DDX1: variants seen among roughly 807,000 people sequenced by gnomAD.
The protein encoded by DDX1 is ATP-dependent RNA helicase DDX1.
DDX1 carries 28 observed loss-of-function variants against 108.7 expected under a neutral mutation model. The observed-to-expected ratio is 0.26, with a 90% confidence interval of 0.19 to 0.35. DDX1 has a LOEUF of 0.35. Ranked by LOEUF, DDX1 falls within the 10% of genes least tolerant of loss-of-function variation. DDX1 has a pLI of 1.00. For synonymous variants in DDX1, 295 were observed against 288.9 expected (o/e 1.02, Z -0.21); for missense variants, 710 against 884.5 (o/e 0.80, Z 2.50).
In DDX1 at chr2:15,607,230, T is replaced by C. The variant is rs1205964856; in HGVS notation, c.873T>C (p.Ile291=). Residue 291 remains isoleucine, a synonymous_variant, in exon 13 of 26, where the codon ATT becomes ATC. Coordinates refer to ENST00000233084, the MANE Select transcript of DDX1 (RefSeq NM_004939.3). ...KFLPNAPKAL[I]VEPSRELAEQ... is the part of the protein sequence containing the mutation. ...TCCCCAATGCTCCGAAAGCTCTCAT[T>C]GTTGAACCTTCCCGGGAGTTAGCTG... is the stretch of plus-strand genomic sequence containing the variant. 1 of 1,613,956 alleles carries C rather than the reference T, an allele frequency of 6.2e-7. No individual in the cohort carries two copies. Among genetic ancestry groups the C allele is most frequent in the Admixed American group, 1.7e-5 (1 of 60,018 alleles).
At position 15,629,674 on chromosome 2, in the gene DDX1, A is replaced by T. The variant is rs1054962638; in HGVS notation, c.1948A>T (p.Thr650Ser). ...NTRLKEDGGCTIWYNEMQLLS... is the reference protein window; with the variant it reads ...NTRLKEDGGCSIWYNEMQLLS... ...AAGACTCAAGGAAGATGGAGGCTGT[A>T]CCATATGGTACAACGAGATGCAGGT... The change falls in exon 24 of 26, where the codon ACC becomes TCC. Residue 650 changes from threonine to serine, a missense_variant. By Grantham distance (58) the Thr-to-Ser change is moderately conservative. Coordinates refer to ENST00000233084, the MANE Select transcript of DDX1 (RefSeq NM_004939.3). The T allele has an allele frequency of 1.9e-6, 3 of 1,581,102 alleles. No homozygotes were observed. Among genetic ancestry groups the T allele is most frequent in the Non-Finnish European group, 2.6e-6 (3 of 1,170,838 alleles).
In DDX1 at chr2:15,596,909, T is replaced by C. The variant is rs1168683894; in HGVS notation, c.162+146T>C. 5 of 673,970 alleles carry C rather than the reference T, an allele frequency of 7.4e-6. No individual in the cohort carries two copies. The African/African-American group carries it at 9.1e-5, about 12-fold the overall frequency. 41.7% of individuals were successfully genotyped at this position (673,970 alleles called of 1,614,324 possible). On this transcript the variant is annotated intron_variant, in intron 4 of 25. Coordinates refer to ENST00000233084, the MANE Select transcript of DDX1 (RefSeq NM_004939.3). ...TACTTGCTACTGAAAATGATATTTT[T>C]GTTGCCAGCTAATTATGAAGAGCTA...
At chr2:15,611,834 G>A (rs1266669073) in intron 13 of DDX1, among the ~76,000 whole-genome samples, 2 of 104,002 alleles carry the variant, frequency 1.9e-5, no homozygotes, top group East Asian at 3.7e-4. Context: ...GCCGGGCAGA[G>A]GGGCTCCTCA....
At position 15,630,093 on chromosome 2, in the gene DDX1, A is replaced by G; in HGVS notation, c.2075A>G (p.Gln692Arg). 1 of 1,613,508 alleles carries G rather than the reference A, an allele frequency of 6.2e-7. No individual in the cohort carries two copies. The highest frequency in any genetic ancestry group is 8.5e-7 in the Non-Finnish European group (1 of 1,179,742). ...DEFDGKVTYG[Q>R]KRAAGGGSYK... is the part of the protein sequence containing the mutation. ...TTTGATGGGAAAGTTACCTACGGTC[A>G]GAAAAGGGCTGCTGGTGGTAAGCTT... The change falls in exon 25 of 26, where the codon CAG (glutamine) becomes CGG (arginine). Residue 692 changes from glutamine to arginine, a missense_variant. Gln to Arg is a conservative substitution (Grantham distance 43). Coordinates refer to ENST00000233084, the MANE Select transcript of DDX1 (RefSeq NM_004939.3).
chr2:15,596,835 C>T lies in DDX1; in HGVS notation c.162+72C>T. Reference sequence around the variant, plus strand: ...AAATAACTTTGAACAGTAGTTTTTACTTTGAAATATTTAATAAAATAGCAA... The same window carrying T: ...AAATAACTTTGAACAGTAGTTTTTATTTTGAAATATTTAATAAAATAGCAA... On this transcript the variant is annotated intron_variant, in intron 4 of 25. Coordinates refer to ENST00000233084, the MANE Select transcript of DDX1 (RefSeq NM_004939.3). 5 of 1,170,812 alleles carry T rather than the reference C, an allele frequency of 4.3e-6. No homozygotes were observed. The South Asian group carries it at 6.9e-5, about 16-fold the overall frequency. The allele number at this position is 1,170,812 out of a possible 1,614,324, so 72.5% of individuals were successfully genotyped here.
intron 13 of DDX1, among the ~76,000 whole-genome samples, chr2:15,608,662 G>GTTTT (rs1558454198): frequency 7.0e-5 from 7 of 100,064 alleles, no homozygotes; most frequent in Non-Finnish European, 1.2e-4. Context: ...TTTTTTTTTA[G>GTTTT]GTTTTTTTTT....
chr2:15,594,553 G>A (rs1397139501), intron 1 of DDX1, among the ~76,000 whole-genome samples: 2 of 152,158 alleles, frequency 1.3e-5, no homozygotes, highest in Non-Finnish European at 2.9e-5. Context: ...CAGTTCTTCA[G>A]CTGACATTTC....
Position 15,603,244 on chromosome 2 carries a change from G to A in DDX1, c.444G>A (p.Gly148=). Residue 148 remains glycine (G), a synonymous_variant, in exon 8 of 26, where the codon GGG becomes GGA. Coordinates refer to ENST00000233084, the MANE Select transcript of DDX1 (RefSeq NM_004939.3). ...SCHDQGLCRV[G]WSTMQASLDL... ...ATGACCAAGGGTTATGCAGGGTCGG[G>A]TGGTCTACCATGCAGGCCTCTTTGG... The A allele has an allele frequency of 1.2e-6, 2 of 1,613,610 alleles. No individual in the cohort carries two copies. Among genetic ancestry groups the A allele is most frequent in the African/African-American group, 1.3e-5 (1 of 74,988 alleles).
At chr2:15,615,888 A>G (rs898436198) in intron 14 of DDX1, among the ~76,000 whole-genome samples, 1 of 151,760 alleles carries the variant, frequency 6.6e-6, no homozygotes, top group African/African-American at 2.4e-5. Flanking sequence ...ATATATTTTT[A>G]TTTATTTATT....
chr2:15,628,657 C>G lies in DDX1; in HGVS notation c.1779C>G (p.Pro593=). Reference sequence around the variant, plus strand: ...TTATAGTTATAAATGTCACTCTGCCCGATGAAAAGCAAAACTACGTACATC... The same window carrying G: ...TTATAGTTATAAATGTCACTCTGCCGGATGAAAAGCAAAACTACGTACATC... ...GVPYVINVTL[P]DEKQNYVHRI... Residue 593 remains proline (P), a synonymous_variant, in exon 22 of 26, where the codon CCC becomes CCG. Coordinates refer to ENST00000233084, the MANE Select transcript of DDX1 (RefSeq NM_004939.3). 1 of 1,612,278 alleles carries G rather than the reference C, an allele frequency of 6.2e-7. No individual in the cohort carries two copies. Among genetic ancestry groups the G allele is most frequent in the South Asian group, 1.1e-5 (1 of 90,854 alleles).
chr2:15,599,602 C>T (rs1038674358), intron 5 of DDX1, 67 bp from the exon 6 acceptor site: 24 of 1,277,624 alleles, frequency 1.9e-5, no homozygotes, highest in South Asian at 1.1e-4. Flanking sequence ...CGTGAGTCAC[C>T]GCACCCGGCC....
chr2:15,610,074 G>A (rs933505882), intron 13 of DDX1, among the ~76,000 whole-genome samples: 2 of 152,074 alleles, frequency 1.3e-5, no homozygotes, highest in African/African-American at 4.8e-5. Context: ...AGCTGGGACT[G>A]CAAGCAAGTG....
At chr2:15,628,034 C>T (rs556212227) in intron 20 of DDX1, among the ~76,000 whole-genome samples, 2 of 152,118 alleles carry the variant, frequency 1.3e-5, no homozygotes, top group East Asian at 3.9e-4. Flanking sequence ...TTGTCTGTTA[C>T]AAAAAATGTA....
Position 15,630,018 on chromosome 2 carries a change from A to ACTG in DDX1, c.2001_2003dup (p.Cys668dup), listed in dbSNP as rs1460955687. On this transcript the variant is annotated inframe_insertion, in exon 25 of 26. Transcript: ENST00000233084. The stretch of plus-strand genomic sequence containing the variant: ...CTATCTGAGATAGAAGAACACCTGA[A>ACTG]CTGTACCATTTCTCAGGTTGAGCCG... 1.9e-6 allele frequency: 3 copies of ACTG among 1,612,548 alleles called. No homozygotes were observed. The African/African-American group carries it at 4.0e-5, about 22-fold the overall frequency.
chr2:15,607,028 T>C, intron 12 of DDX1, 147 bp from the exon 13 acceptor site: 1 of 796,786 alleles, frequency 1.3e-6, no homozygotes, highest in Non-Finnish European at 1.9e-6. Flanking sequence ...TTTAGAAATC[T>C]AAGGTTTATT....
intron 4 of DDX1, 117 bp from the exon 5 acceptor site, chr2:15,597,258 A>G: frequency 1.5e-6 from 1 of 675,010 alleles, no homozygotes; most frequent in Non-Finnish European, 2.5e-6. Flanking sequence ...TTGTAGTAGC[A>G]ATCTGGAATA....
chr2:15,612,833 C>T (rs1193354366), intron 13 of DDX1, among the ~76,000 whole-genome samples: 3 of 152,174 alleles, frequency 2.0e-5, no homozygotes, highest in Non-Finnish European at 2.9e-5. Context: ...AGCGAAACCC[C>T]GTCTCCACCA....
rs1384500162 is a variant in DDX1 at position 15,595,523 on chromosome 2, A to C, written c.102A>C (p.Pro34=). 2 of 1,611,454 alleles carry C rather than the reference A, an allele frequency of 1.2e-6. No individual in the cohort carries two copies. Among genetic ancestry groups the C allele is most frequent in the East Asian group, 4.5e-5 (2 of 44,838 alleles). ...LPTDIQAESI[P]LILGGGDVLM... Reference sequence around the variant, plus strand: ...CTGATATCCAGGCTGAATCTATCCCATTGATCTTAGGAGGAGGTGATGTAC... The same window carrying C: ...CTGATATCCAGGCTGAATCTATCCCCTTGATCTTAGGAGGAGGTGATGTAC... Residue 34 remains proline (P), a synonymous_variant, in exon 3 of 26, where the codon CCA becomes CCC. Coordinates refer to ENST00000233084, the MANE Select transcript of DDX1 (RefSeq NM_004939.3).
At chr2:15,601,364 A>C (rs1665586827) in intron 6 of DDX1, among the ~76,000 whole-genome samples, 1 of 152,174 alleles carries the variant, frequency 6.6e-6, no homozygotes, top group Non-Finnish European at 1.5e-5. Context: ...CATATCCCAC[A>C]GGTTGAGGGT....
Sources: gnomAD v4.1 joint callset for allele counts (sites outside exome capture counted in the v4.1 genomes callset) on GRCh38, gnomAD v4.1.1 for gene constraint, MANE v1.5 for transcripts, NCBI Gene and HGNC (gene_info 2026-07-23, HGNC 2026-07-21) for gene names.